The following PRKX variants were observed in gnomAD, a reference collection of about 807,000 sequenced individuals.
PRKX encodes protein kinase cAMP-dependent X-linked catalytic subunit, also known as cAMP-dependent protein kinase catalytic subunit PRKX.
In PRKX, 12 loss-of-function variants were observed where a neutral mutation model predicts 22.0. The observed-to-expected ratio is 0.54, with a 90% CI of 0.35 to 0.88. PRKX has a LOEUF of 0.88. Ranked by LOEUF, PRKX falls within the 40% of genes least tolerant of loss-of-function variation. The pLI is 0.01. For missense variants in PRKX, 217 were observed against 308.0 expected, an observed-to-expected ratio of 0.70 and a Z score of 2.21; for synonymous variants, 134 against 137.7, an observed-to-expected ratio of 0.97 and a Z score of 0.19.
chrX:3,656,594 T>C (rs372703975), intron 2 of PRKX, among the ~76,000 whole-genome samples: 1 of 111,362 alleles, frequency 9.0e-6, no homozygotes, highest in Non-Finnish European at 1.9e-5. Context: ...TGCGTGTGTG[T>C]AGATGTGACT....
chrX:3,655,197 C>T lies in PRKX; in HGVS notation c.551G>A (p.Gly184Asp). 1 of 1,211,845 alleles carries T rather than the reference C, an allele frequency of 8.3e-7. No homozygotes were observed. The highest frequency in any genetic ancestry group is 1.1e-6 in the Non-Finnish European group (1 of 895,564). ...KPENILLDRD[G>D]HIKLTDFGFA... is the part of the protein sequence containing the mutation. ...CCCAAAGTCCGTGAGCTTAATGTGG[C>T]CATCCCTATCCAGCAGGATGTTCTC... is the stretch of plus-strand genomic sequence containing the variant. Residue 184 changes from glycine (G) to aspartate (D), a missense_variant, in exon 3 of 9, where the codon GGC becomes GAC. Coordinates refer to ENST00000262848, the MANE Select transcript of PRKX (RefSeq NM_005044.5).
intron 5 of PRKX, among the ~76,000 whole-genome samples, chrX:3,625,492 G>A (rs1477224481): frequency 8.9e-6 from 1 of 112,308 alleles, no homozygotes; most frequent in Non-Finnish European, 1.9e-5. Flanking sequence ...AAAATACAGT[G>A]AAACAAACAG....
chrX:3,639,940 A>T (rs1406765608), intron 4 of PRKX, among the ~76,000 whole-genome samples: 1 of 111,230 alleles, frequency 9.0e-6, no homozygotes, highest in Non-Finnish European at 1.9e-5. Flanking sequence ...CCCCAGGAAC[A>T]AGCGCTCGGT....
chrX:3,669,316 C>CTCCA (rs55930956), intron 2 of PRKX, among the ~76,000 whole-genome samples: 60 of 102,691 alleles, frequency 5.8e-4, no homozygotes, highest in East Asian at 9.5e-4. Flanking sequence ...CAATGTTGAT[C>CTCCA]TCCATCCATC....
intron 4 of PRKX, among the ~76,000 whole-genome samples, chrX:3,627,161 A>C (rs1399315049): frequency 9.1e-6 from 1 of 110,225 alleles, no homozygotes; most frequent in Non-Finnish European, 1.9e-5. Flanking sequence ...GCGGGTGGAT[A>C]ACCTGACGTC....
At chrX:3,663,425 T>TAA (rs1454766054) in intron 2 of PRKX, among the ~76,000 whole-genome samples, 1 of 60,918 alleles carries the variant, frequency 1.6e-5, no homozygotes, top group African/African-American at 5.6e-5. Flanking sequence ...ATCTTGTCCC[T>TAA]ACACACACAC....
intron 1 of PRKX, among the ~76,000 whole-genome samples, chrX:3,709,820 G>A (rs980933779): frequency 1.8e-5 from 2 of 110,199 alleles, no homozygotes; most frequent in African/African-American, 6.6e-5. Context: ...AGAGGATCTC[G>A]CTCTATCACC....
At chrX:3,699,054 T>G (rs1357611527) in intron 1 of PRKX, among the ~76,000 whole-genome samples, 1 of 105,846 alleles carries the variant, frequency 9.4e-6, no homozygotes, top group African/African-American at 3.4e-5. Flanking sequence ...TTTTTTTTTT[T>G]GAGACAGAGT....
chrX:3,665,480 AAATAAT>A (rs1206251612), intron 2 of PRKX, among the ~76,000 whole-genome samples: 1 of 110,238 alleles, frequency 9.1e-6, no homozygotes, highest in African/African-American at 3.3e-5. Flanking sequence ...CATCTCTAAA[AAATAAT>A]AATAATAAAT....
chrX:3,706,741 C>T (rs139133778), intron 1 of PRKX, among the ~76,000 whole-genome samples: 304 of 112,513 alleles, frequency 2.7e-3, no homozygotes, highest in Non-Finnish European at 4.7e-3. Flanking sequence ...TCCCAATGTG[C>T]ACGCCCTGCT....
chrX:3,688,249 C>T (rs187259464), intron 1 of PRKX, among the ~76,000 whole-genome samples: 6,414 of 98,235 alleles, frequency 0.065, 493 homozygotes, highest in East Asian at 0.21. Context: ...AGTTCGAGAC[C>T]AGCCCAGCCA....
At chrX:3,689,734 T>A (rs1381435814) in intron 1 of PRKX, among the ~76,000 whole-genome samples, 1 of 111,352 alleles carries the variant, frequency 9.0e-6, no homozygotes, top group African/African-American at 3.3e-5. Flanking sequence ...TCCCAACACT[T>A]TGGGAGGCCA....
intron 2 of PRKX, among the ~76,000 whole-genome samples, chrX:3,666,861 T>C (rs1407772403): frequency 1.1e-5 from 1 of 94,293 alleles, no homozygotes; most frequent in Non-Finnish European, 2.0e-5. Flanking sequence ...TGGGCCATGA[T>C]TGCACCAGTA....
intron 1 of PRKX, among the ~76,000 whole-genome samples, chrX:3,677,786 C>A (rs6420578): frequency 0.3 from 33,065 of 110,155 alleles, 4,173 homozygotes; most frequent in East Asian, 0.62. Context: ...GTTTCCGATA[C>A]TGAATATTTT....
At chrX:3,625,238 A>T (rs1392744488) in intron 5 of PRKX, among the ~76,000 whole-genome samples, 1 of 111,743 alleles carries the variant, frequency 8.9e-6, no homozygotes, top group Non-Finnish European at 1.9e-5. Context: ...TGTTCAGACT[A>T]AGAACCTCTG....
At position 3,630,547 on chromosome X, in the gene PRKX, A is replaced by C. The variant is rs373208416; in HGVS notation, c.720-4033T>G. Among the ~76,000 whole-genome samples the C allele has an allele frequency of 1.6e-3, 179 of 111,900 alleles. 1 individual carries two copies. The highest frequency in any genetic ancestry group is 2.6e-3 in the Admixed American group (27 of 10,529). ...TGCACTCCAGCCTGGGCGACAGAGCAAGACTCTGTCTCAAAAAACAAAAAA... is the reference window on the plus strand; with the variant it reads ...TGCACTCCAGCCTGGGCGACAGAGCCAGACTCTGTCTCAAAAAACAAAAAA... On this transcript the variant is annotated intron_variant, in intron 4 of 8. Coordinates refer to ENST00000262848, the MANE Select transcript of PRKX (RefSeq NM_005044.5).
intron 5 of PRKX, among the ~76,000 whole-genome samples, chrX:3,624,340 T>C (rs1926618045): frequency 9.0e-6 from 1 of 111,175 alleles, no homozygotes; most frequent in Non-Finnish European, 1.9e-5. Context: ...GAACCCACAC[T>C]GGGTATGTAA....
At chrX:3,620,178 C>T (rs950114596) in intron 6 of PRKX, among the ~76,000 whole-genome samples, 21 of 111,699 alleles carry the variant, frequency 1.9e-4, no homozygotes, top group Admixed American at 7.7e-4. Flanking sequence ...AAGGTGGAAA[C>T]AGCCCAGATG....
At chrX:3,616,720 G>A (rs180895430) in intron 6 of PRKX, among the ~76,000 whole-genome samples, 13 of 112,107 alleles carry the variant, frequency 1.2e-4, no homozygotes, top group African/African-American at 4.2e-4. Flanking sequence ...AAACAGTAAT[G>A]TGAATTTTTT....
Sources: allele counts gnomAD v4.1 joint callset (sites outside exome capture counted in the v4.1 genomes callset), GRCh38; gene constraint gnomAD v4.1.1; transcripts MANE v1.5; gene names NCBI Gene and HGNC (gene_info 2026-07-23, HGNC 2026-07-21).